Variants in STAG1 observed in about 807,000 individuals in gnomAD.
STAG1 encodes the protein STAG1 cohesin complex component.
Under a neutral mutation model 170.9 loss-of-function variants are expected in STAG1, and 26 were observed. That is an observed-to-expected ratio of 0.15 (90% CI 0.11 to 0.21). The LOEUF is 0.21. STAG1 is among the 10% of genes least tolerant of loss of function. The probability of loss-of-function intolerance (pLI) is 1.00; values close to 1 mark genes in which losing one functional copy is unlikely to be tolerated. For missense variants in STAG1, 964 were observed against 1,509.5 expected (o/e 0.64, Z 5.99); for synonymous variants, 514 against 497.7 (o/e 1.03, Z -0.44).
In STAG1 at chr3:136,422,935, T is replaced by C. The variant is rs768889657; in HGVS notation, c.1743+17A>G. 1.5e-5 allele frequency: 24 copies of C among 1,591,444 alleles called. No individual in the cohort carries two copies. The highest frequency in any genetic ancestry group is 9.4e-5 in the African/African-American group (7 of 74,204). ...AGCAAACTCAGTGACATAACAAAAC[T>C]GTAAATGAAACTGTACCTTTGACAG... On this transcript the variant is annotated intron_variant, in intron 17 of 33. Transcript: ENST00000383202.
Position 136,475,531 on chromosome 3 carries a change from T to A in STAG1, c.1026+1758A>T, listed in dbSNP as rs190845493. Among the ~76,000 whole-genome samples the A allele has an allele frequency of 2.6e-5, 4 of 152,220 alleles. No homozygotes were observed. In the East Asian group the frequency reaches 7.7e-4, roughly 29 times the overall value. On this transcript the variant is annotated intron_variant, in intron 10 of 33. Coordinates refer to ENST00000383202, the MANE Select transcript of STAG1 (RefSeq NM_005862.3). The stretch of plus-strand genomic sequence containing the variant: ...CAGGCTTGGCATCCAGGGAATGTGA[T>A]CTATGAGAGCTGGAACCAAGAGTGG...
intron 16 of STAG1, among the ~76,000 whole-genome samples, chr3:136,424,793 T>C (rs1353993424): frequency 6.6e-6 from 1 of 152,196 alleles, no homozygotes; most frequent in Non-Finnish European, 1.5e-5. Context: ...GCAATACCAA[T>C]TCTATCTCAC....
At chr3:136,690,443 G>A (rs1305239998) in intron 1 of STAG1, among the ~76,000 whole-genome samples, 1 of 152,132 alleles carries the variant, frequency 6.6e-6, no homozygotes, top group Non-Finnish European at 1.5e-5. Context: ...CACCATGTTG[G>A]GCAGGCTGGT....
chr3:136,360,560 T>C (rs1009303774), intron 26 of STAG1, among the ~76,000 whole-genome samples: 1 of 152,264 alleles, frequency 6.6e-6, no homozygotes, highest in Non-Finnish European at 1.5e-5. Context: ...TAATATGTTC[T>C]GCACCTTTTT....
At chr3:136,748,498 G>A (rs575965471) in intron 1 of STAG1, among the ~76,000 whole-genome samples, 1 of 152,138 alleles carries the variant, frequency 6.6e-6, no homozygotes, top group South Asian at 2.1e-4. Flanking sequence ...CCAGGTTCAA[G>A]CAATTCTCCT....
chr3:136,531,131 T>C (rs1655064627), intron 6 of STAG1, among the ~76,000 whole-genome samples: 1 of 151,874 alleles, frequency 6.6e-6, no homozygotes, highest in Non-Finnish European at 1.5e-5. Context: ...AAAGAAGACA[T>C]TTATGCAGCC....
chr3:136,338,724 T>C (rs111653185), intron 32 of STAG1, among the ~76,000 whole-genome samples: 199 of 152,360 alleles, frequency 1.3e-3, no homozygotes, highest in African/African-American at 4.4e-3. Flanking sequence ...ACTTTGGGCC[T>C]ACATGCCCAG....
At chr3:136,744,239 A>T (rs1934820219) in intron 1 of STAG1, among the ~76,000 whole-genome samples, 1 of 152,222 alleles carries the variant, frequency 6.6e-6, no homozygotes, top group South Asian at 2.1e-4. Flanking sequence ...AGGCCGGAGA[A>T]TTGCTTGAAC....
chr3:136,470,865 C>G (rs547597294), intron 12 of STAG1, among the ~76,000 whole-genome samples: 75 of 151,930 alleles, frequency 4.9e-4, no homozygotes, highest in Non-Finnish European at 3.2e-4. Flanking sequence ...CCATCATTCT[C>G]AGGAAACTAT....
chr3:136,658,053 T>C (rs957817156), intron 1 of STAG1, among the ~76,000 whole-genome samples: 10 of 152,050 alleles, frequency 6.6e-5, no homozygotes, highest in African/African-American at 1.9e-4. Context: ...CTGGGTGCAG[T>C]GGCTCACACC....
At chr3:136,696,084 T>C (rs1942881280) in intron 1 of STAG1, among the ~76,000 whole-genome samples, 1 of 152,190 alleles carries the variant, frequency 6.6e-6, no homozygotes, top group Middle Eastern at 3.2e-3. Flanking sequence ...ATTGGGGTTT[T>C]ATTAGGAAAG....
intron 4 of STAG1, among the ~76,000 whole-genome samples, chr3:136,582,150 C>T (rs548086609): frequency 6.9e-6 from 1 of 145,048 alleles, no homozygotes; most frequent in East Asian, 2.0e-4. Flanking sequence ...AAAGTGCTTA[C>T]CATAGTTCCT....
At chr3:136,538,865 G>C (rs1434890039) in intron 6 of STAG1, among the ~76,000 whole-genome samples, 1 of 152,042 alleles carries the variant, frequency 6.6e-6, no homozygotes, top group African/African-American at 2.4e-5. Context: ...GCTGGGAGCG[G>C]TGCTCACGCC....
At chr3:136,520,462 A>G (rs530007769) in intron 7 of STAG1, among the ~76,000 whole-genome samples, 6 of 152,292 alleles carry the variant, frequency 3.9e-5, no homozygotes, top group African/African-American at 1.4e-4. Flanking sequence ...ACTTATGAAC[A>G]CTCAACAAGT....
rs575695160 is a variant in STAG1 at position 136,516,026 on chromosome 3, T to C, written c.676+5187A>G. Reference sequence around the variant, plus strand: ...CTAGAAGAATTTTGAAAAATGAATATAAAAAAATAAAATGTAAATACAAAA... The same window carrying C: ...CTAGAAGAATTTTGAAAAATGAATACAAAAAAATAAAATGTAAATACAAAA... On this transcript the variant is annotated intron_variant, in intron 7 of 33. Coordinates refer to ENST00000383202, the MANE Select transcript of STAG1 (RefSeq NM_005862.3). Among the ~76,000 whole-genome samples, 5 of 152,052 alleles carry C rather than the reference T, an allele frequency of 3.3e-5. No homozygotes were observed. The South Asian group carries it at 6.2e-4, about 19-fold the overall frequency.
intron 6 of STAG1, among the ~76,000 whole-genome samples, chr3:136,534,117 A>G (rs1473490915): frequency 6.6e-6 from 1 of 152,178 alleles, no homozygotes. Context: ...TTTACAGCCA[A>G]CTGATGTTTG....
intron 6 of STAG1, among the ~76,000 whole-genome samples, chr3:136,523,836 A>T (rs1267360729): frequency 1.3e-5 from 2 of 152,132 alleles, no homozygotes; most frequent in Non-Finnish European, 2.9e-5. Context: ...TCCCAGCACC[A>T]TTCATTAAAT....
chr3:136,602,258 A>G (rs966939114), intron 4 of STAG1, among the ~76,000 whole-genome samples: 2 of 151,898 alleles, frequency 1.3e-5, no homozygotes, highest in Admixed American at 6.6e-5. Flanking sequence ...GTGTGCCTGT[A>G]GTCCCAGCTA....
intron 6 of STAG1, among the ~76,000 whole-genome samples, chr3:136,528,495 C>CT (rs1553740664): frequency 1.1e-4 from 8 of 72,048 alleles, no homozygotes; most frequent in African/African-American, 7.0e-4. Flanking sequence ...TGTCCCCGCA[C>CT]CCCCCCCCCC....
Sources: gnomAD v4.1 joint callset for allele counts (sites outside exome capture counted in the v4.1 genomes callset) on GRCh38, gnomAD v4.1.1 for gene constraint, MANE v1.5 for transcripts, NCBI Gene and HGNC (gene_info 2026-07-23, HGNC 2026-07-21) for gene names.